Variants in NELL1 observed in about 807,000 individuals in gnomAD.
NELL1 encodes neural EGFL like 1.
Under a neutral mutation model 107.4 loss-of-function variants are expected in NELL1, and 76 were observed. That is an observed-to-expected ratio of 0.71 (90% CI 0.59 to 0.86). NELL1 has a LOEUF of 0.86. Among genes scored for constraint, NELL1 ranks in the 40% least tolerant of loss-of-function variants. NELL1 has a pLI of 0.00. For synonymous variants in NELL1, 353 were observed against 341.2 expected, an observed-to-expected ratio of 1.03 and a Z score of -0.38; for missense variants, 1,024 against 1,005.5, an observed-to-expected ratio of 1.02 and a Z score of -0.25.
intron 14 of NELL1, among the ~76,000 whole-genome samples, chr11:21,342,411 T>TTG (rs1555007303): frequency 0.017 from 1,265 of 74,048 alleles, 48 homozygotes; most frequent in African/African-American, 0.041. Flanking sequence ...GAGGCTTAAG[T>TTG]GGGGGGGGGG....
intron 12 of NELL1, among the ~76,000 whole-genome samples, chr11:20,991,054 A>G (rs1167725540): frequency 6.6e-6 from 1 of 152,150 alleles, no homozygotes; most frequent in Non-Finnish European, 1.5e-5. Context: ...GCATTTTCAG[A>G]TGGCCTCTGA....
chr11:21,556,076 C>T (rs192876170), intron 16 of NELL1, among the ~76,000 whole-genome samples: 14 of 151,882 alleles, frequency 9.2e-5, no homozygotes, highest in African/African-American at 3.4e-4. Context: ...GTATATTTTC[C>T]CCCATAATTT....
At chr11:21,473,144 A>G (rs915391129) in intron 15 of NELL1, among the ~76,000 whole-genome samples, 28 of 152,022 alleles carry the variant, frequency 1.8e-4, no homozygotes, top group Admixed American at 1.6e-3. Context: ...GGGAAGCTTC[A>G]TGACTGTAGC....
At chr11:21,516,686 C>G (rs4569004) in intron 15 of NELL1, among the ~76,000 whole-genome samples, 47,649 of 151,072 alleles carry the variant, frequency 0.32, 8,824 homozygotes, top group Non-Finnish European at 0.41. Flanking sequence ...ATATATTATA[C>G]TCTTATAGGA....
At position 21,029,112 on chromosome 11, in the gene NELL1, G is replaced by A. The variant is rs76698670; in HGVS notation, c.1300+68552G>A. On this transcript the variant is annotated intron_variant, in intron 12 of 19. Coordinates refer to ENST00000357134, the MANE Select transcript of NELL1 (RefSeq NM_006157.5). Reference sequence around the variant, plus strand: ...CACAGATTTTTGCTTCTTTGTAACCGTCTTGTTTGGGTGGTAAGGATGTGC... The same window carrying A: ...CACAGATTTTTGCTTCTTTGTAACCATCTTGTTTGGGTGGTAAGGATGTGC... Among the ~76,000 whole-genome samples the A allele has an allele frequency of 5.5e-4, 83 of 152,090 alleles. No individual in the cohort carries two copies. The East Asian group carries it at 0.012, about 21-fold the overall frequency.
At chr11:21,430,171 C>A (rs1297810152) in intron 15 of NELL1, among the ~76,000 whole-genome samples, 1 of 152,162 alleles carries the variant, frequency 6.6e-6, no homozygotes. Context: ...TAACACCTGT[C>A]TAGCTACTCT....
At chr11:21,117,305 C>T (rs1312869823) in intron 13 of NELL1, among the ~76,000 whole-genome samples, 1 of 151,936 alleles carries the variant, frequency 6.6e-6, no homozygotes, top group Admixed American at 6.6e-5. Flanking sequence ...ATAAATGATT[C>T]TTTTATCTGT....
At chr11:20,884,763 T>G (rs1301476150) in intron 4 of NELL1, among the ~76,000 whole-genome samples, 1 of 152,328 alleles carries the variant, frequency 6.6e-6, no homozygotes, top group East Asian at 1.9e-4. Flanking sequence ...ATTTTTATCT[T>G]ACTTTTCCTC....
Position 21,563,848 on chromosome 11 carries a change from G to A in NELL1, c.1980+3466G>A, listed in dbSNP as rs556889185. Among the ~76,000 whole-genome samples the A allele has an allele frequency of 7.0e-4, 106 of 152,066 alleles. 1 individual carries two copies. The highest frequency in any genetic ancestry group is 2.4e-3 in the African/African-American group (101 of 41,546). ...GGTGATCTTTGAAGGGGCCCTTAAA[G>A]GATGAGGAATTTAATCAAGTAGAGA... On this transcript the variant is annotated intron_variant, in intron 17 of 19. Coordinates refer to ENST00000357134, the MANE Select transcript of NELL1 (RefSeq NM_006157.5).
At chr11:21,462,407 G>C (rs1325021267) in intron 15 of NELL1, among the ~76,000 whole-genome samples, 1 of 152,046 alleles carries the variant, frequency 6.6e-6, no homozygotes, top group Non-Finnish European at 1.5e-5. Context: ...TATGGTTTTG[G>C]GAGTTTAAGG....
At chr11:21,498,890 A>G (rs965316188) in intron 15 of NELL1, among the ~76,000 whole-genome samples, 2 of 152,034 alleles carry the variant, frequency 1.3e-5, no homozygotes, top group African/African-American at 2.4e-5. Flanking sequence ...CCTAATTAGT[A>G]GAGAGGTTAA....
intron 10 of NELL1, among the ~76,000 whole-genome samples, chr11:20,946,745 AGCCCATTTTTAGGCTTATGCTGT>A (rs1850969311): frequency 6.6e-6 from 1 of 152,166 alleles, no homozygotes; most frequent in Non-Finnish European, 1.5e-5. Context: ...CTTTTATTAG[AGCCCATTTTTAGGCTTATGCTGT>A]GCTGTATGTT....
rs1279919530 is a variant in NELL1, at chr11:20,874,843, T to C, written c.507-10601T>C. Among the ~76,000 whole-genome samples, 3 of 152,212 alleles carry C rather than the reference T, an allele frequency of 2.0e-5. 1 individual carries two copies. Among genetic ancestry groups the C allele is most frequent in the Admixed American group, 2.0e-4 (3 of 15,286 alleles). On this transcript the variant is annotated intron_variant, in intron 4 of 19. Transcript: ENST00000357134. ...CCTCTTGGTGCTGCACAGAGCAAGT[T>C]CAATTCCTCTTCTACACGATGGTCT...
intron 14 of NELL1, among the ~76,000 whole-genome samples, chr11:21,271,737 T>A (rs548269686): frequency 6.6e-6 from 1 of 152,102 alleles, no homozygotes; most frequent in Non-Finnish European, 1.5e-5. Flanking sequence ...AAAATATTAG[T>A]GAATTGACTC....
In NELL1 at chr11:21,071,765, G is replaced by C. The variant is rs116513396; in HGVS notation, c.1301-41824G>C. On this transcript the variant is annotated intron_variant, in intron 12 of 19. Coordinates refer to ENST00000357134, the MANE Select transcript of NELL1 (RefSeq NM_006157.5). ...CAGGAATCAAAGCTCGGCTCTAAGA[G>C]GGGAGAGGATGGAAAGTTCTTTGAG... is the stretch of plus-strand genomic sequence containing the variant. 5.4e-3 allele frequency among the ~76,000 whole-genome samples: 819 copies of C among 152,306 alleles called. 5 individuals carry two copies. The highest frequency in any genetic ancestry group is 0.019 in the African/African-American group (786 of 41,574).
intron 4 of NELL1, among the ~76,000 whole-genome samples, chr11:20,855,104 G>A (rs1848858821): frequency 6.6e-6 from 1 of 151,758 alleles, no homozygotes. Context: ...TGGATTCCAA[G>A]TTAACCTTGT....
At chr11:21,337,845 C>A (rs1850467933) in intron 14 of NELL1, among the ~76,000 whole-genome samples, 2 of 132,488 alleles carry the variant, frequency 1.5e-5, no homozygotes, top group Admixed American at 1.6e-4. Context: ...TCTTTTCTTT[C>A]TTTCTTTCTT....
At chr11:20,949,690 C>G (rs1851033663) in intron 11 of NELL1, among the ~76,000 whole-genome samples, 1 of 152,152 alleles carries the variant, frequency 6.6e-6, no homozygotes, top group Admixed American at 6.5e-5. Flanking sequence ...TGGAATGTGT[C>G]CATTACCAAT....
At position 20,736,880 on chromosome 11, in the gene NELL1, G is replaced by A. The variant is rs373161051; in HGVS notation, c.185-46800G>A. Among the ~76,000 whole-genome samples the A allele has an allele frequency of 9.2e-5, 14 of 151,588 alleles. No individual in the cohort carries two copies. In the South Asian group the frequency reaches 2.7e-3, roughly 29 times the overall value. ...AGCAATTCTCCTGCCTCAGCCTCCC[G>A]AGTAGCTGGGATTACAGGCATGTGC... On this transcript the variant is annotated intron_variant, in intron 2 of 19. Transcript: ENST00000357134.
Sources: gnomAD v4.1 joint callset for allele counts (sites outside exome capture counted in the v4.1 genomes callset) on GRCh38, gnomAD v4.1.1 for gene constraint, MANE v1.5 for transcripts, NCBI Gene and HGNC (gene_info 2026-07-23, HGNC 2026-07-21) for gene names.